The following LRPPRC variants were observed in gnomAD, a reference collection of about 807,000 sequenced individuals.
LRPPRC encodes leucine rich pentatricopeptide repeat containing, also known as leucine-rich PPR motif-containing protein, mitochondrial.
A neutral mutation model predicts 180.3 loss-of-function variants in LRPPRC; 120 were observed. The observed-to-expected ratio is 0.67, with a 90% confidence interval of 0.57 to 0.77. The LOEUF (loss-of-function observed/expected upper bound fraction) is 0.77, where lower values mean the gene tolerates loss of function less well. Ranked by LOEUF, LRPPRC falls within the 30% of genes least tolerant of loss-of-function variation. LRPPRC has a pLI of 0.00. For synonymous variants in LRPPRC, 723 were observed against 600.0 expected, an observed-to-expected ratio of 1.21 and a Z score of -3.00; for missense variants, 2,012 against 1,657.2, an observed-to-expected ratio of 1.21 and a Z score of -3.72.
intron 1 of LRPPRC, among the ~76,000 whole-genome samples, chr2:43,994,974 C>G (rs1364890231): frequency 6.6e-6 from 1 of 152,234 alleles, no homozygotes; most frequent in African/African-American, 2.4e-5. Flanking sequence ...GGAGCGGTGG[C>G]TCACACCTGT....
At chr2:43,981,136 A>C (rs1345548492) in intron 2 of LRPPRC, among the ~76,000 whole-genome samples, 1 of 152,080 alleles carries the variant, frequency 6.6e-6, no homozygotes, top group East Asian at 1.9e-4. Context: ...GGGGGCAGGG[A>C]GTGAAAGACC....
At chr2:43,891,301 C>T (rs748140567) in intron 36 of LRPPRC, among the ~76,000 whole-genome samples, 5 of 152,192 alleles carry the variant, frequency 3.3e-5, no homozygotes, top group African/African-American at 4.8e-5. Flanking sequence ...CAGATTTATG[C>T]GCTTGACACT....
intron 29 of LRPPRC, among the ~76,000 whole-genome samples, chr2:43,916,512 T>C (rs1430121736): frequency 6.6e-6 from 1 of 152,212 alleles, no homozygotes; most frequent in Non-Finnish European, 1.5e-5. Context: ...CACATACTAG[T>C]ATAGTAATTA....
At chr2:43,979,613 C>T (rs1427713134) in intron 3 of LRPPRC, among the ~76,000 whole-genome samples, 1 of 151,988 alleles carries the variant, frequency 6.6e-6, no homozygotes, top group Non-Finnish European at 1.5e-5. Context: ...TTTAACTTAC[C>T]GTACTTGTAA....
At position 43,963,941 on chromosome 2, in the gene LRPPRC, A is replaced by G. The variant is rs72879125; in HGVS notation, c.1370-235T>C. ...ATTTCAAGAAACTATCCTTGAAATTATAAGTATAAAGAAACTTGAAACAAT... is the reference window on the plus strand; with the variant it reads ...ATTTCAAGAAACTATCCTTGAAATTGTAAGTATAAAGAAACTTGAAACAAT... On this transcript the variant is annotated intron_variant, in intron 11 of 37. Transcript: ENST00000260665. 4,190 of 565,612 alleles carry G rather than the reference A, an allele frequency of 7.4e-3. 112 individuals carry two copies. The highest frequency in any genetic ancestry group is 0.061 in the African/African-American group (3,247 of 53,358). The allele number at this position is 565,612 out of a possible 1,614,324, so 35.0% of individuals were successfully genotyped here. A position where few individuals can be genotyped will look rare whatever the true frequency, so the allele number is the denominator to read the frequency against.
chr2:43,888,961 C>G (rs10445885), intron 37 of LRPPRC, among the ~76,000 whole-genome samples: 2 of 152,012 alleles, frequency 1.3e-5, no homozygotes, highest in South Asian at 4.1e-4. Flanking sequence ...GAAATAAACA[C>G]GGTGTATTGA....
rs1321850986 is a variant in LRPPRC at position 43,889,775 on chromosome 2, G to A, written c.4087C>T (p.Leu1363=). 3.1e-6 allele frequency: 5 copies of A among 1,612,678 alleles called. No individual in the cohort carries two copies. In the South Asian group the frequency reaches 4.4e-5, roughly 14 times the overall value. ...DLFLKRYASL[L]KYAGEPVPFI... ...GGGACAGGCTCTCCAGCATACTTCA[G>A]CAAAGATGCGTAACGCTTTAGAAAC... The change falls in exon 37 of 38, where the codon CTG becomes TTG. Residue 1363 remains leucine (L), a synonymous_variant. Transcript: ENST00000260665.
chr2:43,914,553 C>T (rs944862705), intron 29 of LRPPRC, among the ~76,000 whole-genome samples: 5 of 151,890 alleles, frequency 3.3e-5, no homozygotes, highest in African/African-American at 4.8e-5. Context: ...CGTAGTGAAA[C>T]GCGGTCTATA....
intron 31 of LRPPRC, chr2:43,902,530 G>GGAAA (rs1488572088): frequency 6.6e-6 from 1 of 151,922 alleles, no homozygotes; most frequent in East Asian, 1.9e-4. Flanking sequence ...AAAATACAGT[G>GGAAA]GAAAGACATG....
intron 27 of LRPPRC, among the ~76,000 whole-genome samples, chr2:43,922,500 G>T (rs1671731897): frequency 6.6e-6 from 1 of 152,176 alleles, no homozygotes; most frequent in South Asian, 2.1e-4. Flanking sequence ...TGCAAAATAT[G>T]GATTTTTAAA....
intron 29 of LRPPRC, among the ~76,000 whole-genome samples, chr2:43,915,431 T>A (rs1558930959): frequency 6.6e-6 from 1 of 152,216 alleles, no homozygotes; most frequent in East Asian, 1.9e-4. Context: ...ACGCCTGTAA[T>A]CCCAGCAACT....
rs533308371 is a variant in LRPPRC, at chr2:43,989,166, A to C, written c.149+6633T>G. On this transcript the variant is annotated intron_variant, in intron 1 of 37. Coordinates refer to ENST00000260665, the MANE Select transcript of LRPPRC (RefSeq NM_133259.4). ...GAGATTACTGGGCCTGGCCTAAAAA[A>C]TCTTTTATAAAACTAAGTCACAATG... Among the ~76,000 whole-genome samples the C allele has an allele frequency of 7.2e-5, 11 of 152,264 alleles. No individual in the cohort carries two copies. In the South Asian group the frequency reaches 2.3e-3, roughly 32 times the overall value.
intron 25 of LRPPRC, among the ~76,000 whole-genome samples, chr2:43,926,955 T>C (rs1001346577): frequency 2.0e-5 from 3 of 152,244 alleles, no homozygotes; most frequent in African/African-American, 7.2e-5. Context: ...CTGAGACATA[T>C]GTTATATCCT....
In LRPPRC at chr2:43,975,170, C is replaced by A; in HGVS notation, c.785G>T (p.Gly262Val). 1 of 1,613,462 alleles carries A rather than the reference C, an allele frequency of 6.2e-7. No homozygotes were observed. Among genetic ancestry groups the A allele is most frequent in the Non-Finnish European group, 8.5e-7 (1 of 1,179,642 alleles). The stretch of plus-strand genomic sequence containing the variant: ...GTATGTGTCTGGACCAGGCTCAATT[C>A]CGGCATCTCTCATCACTGTGAGAAT... ...ENILTVMRDAGIEPGPDTYLA... is the reference protein window; with the variant it reads ...ENILTVMRDAVIEPGPDTYLA... Residue 262 changes from glycine to valine, a missense_variant, in exon 7 of 38, where the codon GGA becomes GTA. By Grantham distance (109) the Gly-to-Val change is moderately radical. Coordinates refer to ENST00000260665, the MANE Select transcript of LRPPRC (RefSeq NM_133259.4).
intron 14 of LRPPRC, among the ~76,000 whole-genome samples, 163 bp downstream of exon 14, chr2:43,957,222 C>T (rs1283873955): frequency 6.6e-6 from 1 of 152,154 alleles, no homozygotes; most frequent in Non-Finnish European, 1.5e-5. Context: ...AAATTTAATT[C>T]AATGACTTAA....
intron 36 of LRPPRC, among the ~76,000 whole-genome samples, chr2:43,893,200 C>T (rs1236528589): frequency 6.6e-6 from 1 of 152,198 alleles, no homozygotes; most frequent in African/African-American, 2.4e-5. Context: ...GGAATCTACT[C>T]TTGGTAAAGA....
intron 1 of LRPPRC, among the ~76,000 whole-genome samples, chr2:43,993,886 G>A (rs918214216): frequency 2.6e-5 from 4 of 152,058 alleles, no homozygotes; most frequent in Admixed American, 6.6e-5. Context: ...TGATAAGAAA[G>A]CAACTTTACA....
At chr2:43,983,723 C>T (rs962321694) in intron 1 of LRPPRC, among the ~76,000 whole-genome samples, 5 of 152,232 alleles carry the variant, frequency 3.3e-5, no homozygotes, top group African/African-American at 1.2e-4. Context: ...ATAAAACTTA[C>T]ATTTCTATCC....
chr2:43,948,465 C>A lies in LRPPRC; in HGVS notation c.1789G>T (p.Val597Leu), dbSNP rs1186547851. The change falls in exon 17 of 38, where the codon GTA (valine) becomes TTA (leucine). Residue 597 changes from valine to leucine, a missense_variant. Physicochemically the swap from Val to Leu is conservative, Grantham distance 32. Transcript: ENST00000260665. ...NLIDSMSDSE[V>L]QAKEEHLRQY... is the part of the protein sequence containing the mutation. ...CTCAAATGCTCCTCCTTGGCCTGTA[C>A]CTCTGAGTCACTCATGCTGTCAATC... 1 of 1,612,896 alleles carries A rather than the reference C, an allele frequency of 6.2e-7. No homozygotes were observed. The highest frequency in any genetic ancestry group is 8.5e-7 in the Non-Finnish European group (1 of 1,179,070).
Sources: allele counts gnomAD v4.1 joint callset (sites outside exome capture counted in the v4.1 genomes callset), GRCh38; gene constraint gnomAD v4.1.1; transcripts MANE v1.5; gene names NCBI Gene and HGNC (gene_info 2026-07-23, HGNC 2026-07-21).